The following RB1CC1 variants were observed in gnomAD, a reference collection of about 807,000 sequenced individuals.
RB1CC1 encodes RB1-inducible coiled-coil protein 1.
In RB1CC1, 46 loss-of-function variants were observed where a neutral mutation model predicts 177.5. The ratio of observed to expected loss-of-function variants is 0.26; its 90% CI spans 0.20 to 0.33. RB1CC1 has a LOEUF of 0.33. Among genes scored for constraint, RB1CC1 ranks in the 10% least tolerant of loss-of-function variants. The pLI, the probability that RB1CC1 is intolerant of heterozygous loss-of-function variation, is 1.00. For missense variants in RB1CC1, 1,703 were observed against 1,816.3 expected (o/e 0.94, Z 1.13); for synonymous variants, 666 against 613.6 (o/e 1.09, Z -1.26).
intron 23 of RB1CC1, 79 bp downstream of exon 23, chr8:52,624,635 AGTG>A: frequency 9.0e-7 from 1 of 1,110,186 alleles, no homozygotes. Flanking sequence ...CAAGAACAGC[AGTG>A]GTAATGATTT....
chr8:52,633,698 A>C (rs926506871), intron 20 of RB1CC1, among the ~76,000 whole-genome samples: 3 of 152,234 alleles, frequency 2.0e-5, no homozygotes, highest in African/African-American at 7.2e-5. Context: ...ACTTGAAAAA[A>C]TAAAGTTATT....
chr8:52,690,731 T>C (rs1432943155), intron 1 of RB1CC1, among the ~76,000 whole-genome samples: 1 of 152,178 alleles, frequency 6.6e-6, no homozygotes, highest in Non-Finnish European at 1.5e-5. Flanking sequence ...TAATTCCAGT[T>C]AGAGAAAAAT....
At chr8:52,704,691 T>G (rs538750702) in intron 1 of RB1CC1, among the ~76,000 whole-genome samples, 3 of 152,276 alleles carry the variant, frequency 2.0e-5, no homozygotes, top group African/African-American at 7.2e-5. Flanking sequence ...TTAAATCCTG[T>G]AAGTGGGTTG....
At chr8:52,706,811 A>G (rs1324944249) in intron 1 of RB1CC1, among the ~76,000 whole-genome samples, 1 of 150,910 alleles carries the variant, frequency 6.6e-6, no homozygotes, top group Admixed American at 6.6e-5. Flanking sequence ...GGCACCCACC[A>G]CCACACCCAG....
chr8:52,642,153 T>G (rs1849639594), intron 18 of RB1CC1, among the ~76,000 whole-genome samples, 198 bp downstream of exon 18: 1 of 152,122 alleles, frequency 6.6e-6, no homozygotes, highest in African/African-American at 2.4e-5. Context: ...ACATACTTTG[T>G]ATAGTATGAG....
chr8:52,638,106 A>C (rs915687830), intron 18 of RB1CC1, among the ~76,000 whole-genome samples: 1 of 152,202 alleles, frequency 6.6e-6, no homozygotes, highest in African/African-American at 2.4e-5. Flanking sequence ...ACCATTGAGT[A>C]TGATGTTAAT....
intron 15 of RB1CC1, among the ~76,000 whole-genome samples, chr8:52,652,417 G>A (rs967596900): frequency 3.5e-5 from 5 of 142,008 alleles, no homozygotes; most frequent in South Asian, 2.2e-4. Flanking sequence ...CCGTGATTGC[G>A]CCACTGCACT....
chr8:52,680,444 CAG>C (rs1853590880), intron 5 of RB1CC1, among the ~76,000 whole-genome samples: 1 of 152,162 alleles, frequency 6.6e-6, no homozygotes, highest in African/African-American at 2.4e-5. Context: ...AGAAAAAAGA[CAG>C]TGTGCACTGA....
intron 21 of RB1CC1, among the ~76,000 whole-genome samples, chr8:52,629,216 C>T (rs1282370057): frequency 2.0e-5 from 3 of 152,124 alleles, no homozygotes; most frequent in Non-Finnish European, 4.4e-5. Context: ...ATGTGGTCAA[C>T]AAATTTAGAA....
rs1291500530 is a variant in RB1CC1 at position 52,623,595 on chromosome 8, A to C, written c.*187T>G. ...AACAAAAACCATTTTAATTCAGCCA[A>C]GGATTCTGATGAATTTATTATTCCT... On this transcript the variant is annotated 3_prime_UTR_variant, in exon 24 of 24. Coordinates refer to ENST00000025008, the MANE Select transcript of RB1CC1 (RefSeq NM_014781.5). The C allele has an allele frequency of 1.6e-6, 1 of 628,562 alleles. No individual in the cohort carries two copies. Among genetic ancestry groups the C allele is most frequent in the Non-Finnish European group, 2.9e-6 (1 of 341,866 alleles). The allele number at this position is 628,562 out of a possible 1,614,324, so 38.9% of individuals were successfully genotyped here. A position where few individuals can be genotyped will look rare whatever the true frequency, so the allele number is the denominator to read the frequency against.
At chr8:52,688,456 T>G (rs576463638) in intron 1 of RB1CC1, among the ~76,000 whole-genome samples, 1 of 152,280 alleles carries the variant, frequency 6.6e-6, no homozygotes, top group Admixed American at 6.5e-5. Flanking sequence ...CCTGGTCTCC[T>G]GCAGTACCCT....
Position 52,676,398 on chromosome 8 carries a change from G to C in RB1CC1, c.543C>G (p.Ser181=). Residue 181 remains serine, a synonymous_variant, in exon 6 of 24, where the codon TCC becomes TCG. Coordinates refer to ENST00000025008, the MANE Select transcript of RB1CC1 (RefSeq NM_014781.5). The part of the protein sequence containing the change: ...FESIYSNYLQ[S]IEDIKLKLTH... ...TAAGTTTTAACTTGATGTCTTCTAT[G>C]GACTGCAGATAATTTGAATAAATAC... The C allele has an allele frequency of 6.2e-7, 1 of 1,610,954 alleles. No individual in the cohort carries two copies. Among genetic ancestry groups the C allele is most frequent in the Non-Finnish European group, 8.5e-7 (1 of 1,177,976 alleles).
At position 52,656,882 on chromosome 8, in the gene RB1CC1, A is replaced by G; in HGVS notation, c.2947T>C (p.Leu983=). 6.2e-7 allele frequency: 1 copy of G among 1,613,376 alleles called. No individual in the cohort carries two copies. Among genetic ancestry groups the G allele is most frequent in the Non-Finnish European group, 8.5e-7 (1 of 1,179,946 alleles). ...AATTCCTTTAGATGACTTTGCTCCA[A>G]GGACTGAAGTTCTGCCCTCAATAAC... The part of the protein sequence containing the change: ...LQLLRAELQS[L]EQSHLKELED... Residue 983 remains leucine, a synonymous_variant, in exon 15 of 24, where the codon TTG becomes CTG. Coordinates refer to ENST00000025008, the MANE Select transcript of RB1CC1 (RefSeq NM_014781.5).
At chr8:52,663,495 T>C (rs891600480) in intron 8 of RB1CC1, among the ~76,000 whole-genome samples, 6 of 152,158 alleles carry the variant, frequency 3.9e-5, no homozygotes, top group African/African-American at 1.2e-4. Flanking sequence ...TAAATCCCTT[T>C]CCACAATTTC....
Position 52,623,655 on chromosome 8 carries a change from C to A in RB1CC1, c.*127G>T. The A allele has an allele frequency of 1.4e-6, 1 of 703,940 alleles. No homozygotes were observed. The highest frequency in any genetic ancestry group is 2.6e-6 in the Non-Finnish European group (1 of 381,462). The allele number at this position is 703,940 out of a possible 1,614,324, so 43.6% of individuals were successfully genotyped here. On this transcript the variant is annotated 3_prime_UTR_variant, in exon 24 of 24. Transcript: ENST00000025008. ...CCAGTTAAAAAGTAAACGATGTACA[C>A]CAGTGAAGTATATTGTCACGCTGAC...
chr8:52,704,406 A>G (rs754368123), intron 1 of RB1CC1, among the ~76,000 whole-genome samples: 1 of 151,806 alleles, frequency 6.6e-6, no homozygotes, highest in Non-Finnish European at 1.5e-5. Flanking sequence ...AGAGGTATGC[A>G]AAAGTTAGAC....
chr8:52,706,592 C>A (rs62501682), intron 1 of RB1CC1, among the ~76,000 whole-genome samples: 28,086 of 151,402 alleles, frequency 0.19, 2,769 homozygotes, highest in Middle Eastern at 0.26. Flanking sequence ...ATTAGCCGGG[C>A]GTGGTGGCAG....
At chr8:52,693,280 A>G (rs1252917620) in intron 1 of RB1CC1, among the ~76,000 whole-genome samples, 1 of 152,236 alleles carries the variant, frequency 6.6e-6, no homozygotes, top group African/African-American at 2.4e-5. Context: ...ATGGAATCTA[A>G]TTAAACTAAA....
chr8:52,639,207 G>C (rs1009198446), intron 18 of RB1CC1, among the ~76,000 whole-genome samples: 4 of 152,000 alleles, frequency 2.6e-5, no homozygotes. Flanking sequence ...ATCTTTCCAC[G>C]TACAGCTTTC....
Sources: allele counts gnomAD v4.1 joint callset (sites outside exome capture counted in the v4.1 genomes callset), GRCh38; gene constraint gnomAD v4.1.1; transcripts MANE v1.5; gene names NCBI Gene and HGNC (gene_info 2026-07-23, HGNC 2026-07-21).